The following TRIO variants were observed in gnomAD, a reference collection of about 807,000 sequenced individuals.
TRIO encodes trio Rho guanine nucleotide exchange factor, also known as triple functional domain protein.
TRIO carries 58 observed loss-of-function variants against 351.9 expected under a neutral mutation model. The observed-to-expected ratio is 0.16, with a 90% CI of 0.13 to 0.21. The LOEUF (loss-of-function observed/expected upper bound fraction) is 0.21, where lower values mean the gene tolerates loss of function less well. Ranked by LOEUF, TRIO falls within the 10% of genes least tolerant of loss-of-function variation. The pLI is 1.00. For synonymous variants in TRIO, 1,758 were observed against 1,595.7 expected (o/e 1.10, Z -2.42); for missense variants, 3,201 against 4,027.8 (o/e 0.79, Z 5.56).
rs550614002 is a variant in TRIO, at chr5:14,463,558, G to A, written c.5667+633G>A. Among the ~76,000 whole-genome samples the A allele has an allele frequency of 3.3e-5, 5 of 152,222 alleles. 1 individual carries two copies. The highest frequency in any genetic ancestry group is 1.2e-4 in the African/African-American group (5 of 41,552). ...ATTATTTTGTCAGCCCAATTGTAGA[G>A]CCCTAAAAAATAAAATAGCAGAAAG... is the stretch of plus-strand genomic sequence containing the variant. On this transcript the variant is annotated intron_variant, in intron 36 of 56. Coordinates refer to ENST00000344204, the MANE Select transcript of TRIO (RefSeq NM_007118.4).
chr5:14,463,525 A>G (rs921374416), intron 36 of TRIO, among the ~76,000 whole-genome samples: 2 of 152,204 alleles, frequency 1.3e-5, no homozygotes, highest in African/African-American at 2.4e-5. Flanking sequence ...GTTCTTACGT[A>G]GTCTAAAATT....
At chr5:14,248,652 C>T (rs564568316) in intron 1 of TRIO, among the ~76,000 whole-genome samples, 1 of 152,312 alleles carries the variant, frequency 6.6e-6, no homozygotes, top group South Asian at 2.1e-4. Context: ...GTGCTGCCCA[C>T]CTATCTTGTT....
At chr5:14,148,797 G>A (rs1295662285) in intron 1 of TRIO, among the ~76,000 whole-genome samples, 1 of 152,242 alleles carries the variant, frequency 6.6e-6, no homozygotes, top group Non-Finnish European at 1.5e-5. Context: ...GGGTGATGGT[G>A]TGGTTGGCCT....
rs1307816198 is a variant in TRIO, at chr5:14,509,581, A to G, written c.*1159A>G. The G allele has an allele frequency of 3.3e-6, 1 of 302,278 alleles. No individual in the cohort carries two copies. The highest frequency in any genetic ancestry group is 6.5e-6 in the Non-Finnish European group (1 of 154,652). The allele number at this position is 302,278 out of a possible 1,614,324, so 18.7% of individuals were successfully genotyped here. A position where few individuals can be genotyped will look rare whatever the true frequency, so the allele number is the denominator to read the frequency against. On this transcript the variant is annotated 3_prime_UTR_variant, in exon 57 of 57. Coordinates refer to ENST00000344204, the MANE Select transcript of TRIO (RefSeq NM_007118.4). Reference sequence around the variant, plus strand: ...TGCCAAAGTATTATTTTTTTTCCCAAAATCAGTCTGGACATTTACTACTTT... The same window carrying G: ...TGCCAAAGTATTATTTTTTTTCCCAGAATCAGTCTGGACATTTACTACTTT...
chr5:14,406,127 C>T (rs928096464), intron 32 of TRIO, 137 bp downstream of exon 32: 1 of 1,259,394 alleles, frequency 7.9e-7, no homozygotes, highest in Admixed American at 2.7e-5. Flanking sequence ...TTGTGGATAA[C>T]ATCATTCTTA....
intron 11 of TRIO, among the ~76,000 whole-genome samples, chr5:14,345,405 G>A (rs1400823967): frequency 6.6e-6 from 1 of 152,172 alleles, no homozygotes; most frequent in East Asian, 1.9e-4. Flanking sequence ...CTTGCTGAGG[G>A]TCATTTGTAA....
chr5:14,503,955 C>T (rs1333252597), intron 54 of TRIO, among the ~76,000 whole-genome samples: 1 of 152,244 alleles, frequency 6.6e-6, no homozygotes, highest in Non-Finnish European at 1.5e-5. Context: ...CACACACCCC[C>T]ACAGGGGCGA....
At position 14,509,301 on chromosome 5, in the gene TRIO, T is replaced by A. The variant is rs1272626243; in HGVS notation, c.*879T>A. On this transcript the variant is annotated 3_prime_UTR_variant, in exon 57 of 57. Transcript: ENST00000344204. The stretch of plus-strand genomic sequence containing the variant: ...TTGTGGCTTTAACATTTTATGCAAC[T>A]ATTTATGAAGACCTCTGTTGTACCT... 2.6e-6 allele frequency: 1 copy of A among 390,428 alleles called. No individual in the cohort carries two copies. Among genetic ancestry groups the A allele is most frequent in the Non-Finnish European group, 4.9e-6 (1 of 202,190 alleles). 24.2% of individuals were successfully genotyped at this position (390,428 alleles called of 1,614,324 possible).
At chr5:14,428,237 G>T (rs921125936) in intron 34 of TRIO, among the ~76,000 whole-genome samples, 2 of 152,090 alleles carry the variant, frequency 1.3e-5, no homozygotes, top group African/African-American at 2.4e-5. Context: ...CGAAAATATC[G>T]TGATTCAGGT....
In TRIO at chr5:14,182,374, A is replaced by C. The variant is rs916988396; in HGVS notation, c.157+38492A>C. Among the ~76,000 whole-genome samples the C allele has an allele frequency of 4.6e-5, 7 of 152,220 alleles. No homozygotes were observed. In the East Asian group the frequency reaches 1.2e-3, roughly 25 times the overall value. On this transcript the variant is annotated intron_variant, in intron 1 of 56. Transcript: ENST00000344204. ...TTAGTCTTTGGCTCACTCTTTAGAG[A>C]TGCTTCTACCTTGGGACAAATTTAT...
intron 2 of TRIO, among the ~76,000 whole-genome samples, chr5:14,279,188 T>C (rs986987251): frequency 6.6e-5 from 10 of 152,246 alleles, no homozygotes; most frequent in South Asian, 2.1e-4. Context: ...GAACAGTACA[T>C]GTGGATTGCT....
intron 8 of TRIO, among the ~76,000 whole-genome samples, chr5:14,305,756 C>T (rs955777378): frequency 6.6e-6 from 1 of 152,116 alleles, no homozygotes; most frequent in Admixed American, 6.5e-5. Context: ...TGTCCCTGAG[C>T]GAATTAAATG....
In TRIO at chr5:14,358,162, C is replaced by G. The variant is rs551206640; in HGVS notation, c.2047-16C>G. 1.9e-5 allele frequency: 30 copies of G among 1,607,636 alleles called. No homozygotes were observed. In the South Asian group the frequency reaches 2.1e-4, roughly 11 times the overall value. On this transcript the variant is annotated splice_polypyrimidine_tract_variant and intron_variant, in intron 11 of 56. Coordinates refer to ENST00000344204, the MANE Select transcript of TRIO (RefSeq NM_007118.4). ...AGCCAGGCCGGCCGGCCTCACCCCC[C>G]TCTCCCCTTCCCCAGCTGTGGACGT...
chr5:14,369,480 C>A lies in TRIO; in HGVS notation c.3173C>A (p.Pro1058His). ...AACTCTGAGACGGACCACGTGACGC[C>A]CATGATCAGCAAGCACCTGGAGCAG... ...GPNSETDHVT[P>H]MISKHLEQKE... The change falls in exon 18 of 57, where the codon CCC (proline) becomes CAC (histidine). Residue 1058 changes from proline to histidine, a missense_variant. This residue lies in a region of TRIO where 363 missense variants were observed against 553.5 expected (regional missense o/e 0.66). Transcript: ENST00000344204. 1 of 1,613,974 alleles carries A rather than the reference C, an allele frequency of 6.2e-7. No individual in the cohort carries two copies. Among genetic ancestry groups the A allele is most frequent in the Non-Finnish European group, 8.5e-7 (1 of 1,179,982 alleles).
chr5:14,328,289 A>G (rs931476752), intron 9 of TRIO, among the ~76,000 whole-genome samples: 3 of 152,272 alleles, frequency 2.0e-5, no homozygotes, highest in Admixed American at 6.5e-5. Context: ...CAATGAGCTC[A>G]ATACGCTAGT....
chr5:14,349,658 T>TA (rs774313236), intron 11 of TRIO, among the ~76,000 whole-genome samples: 13 of 152,372 alleles, frequency 8.5e-5, no homozygotes, highest in Non-Finnish European at 1.6e-4. Flanking sequence ...GCTTTCAACA[T>TA]ACGAGGTGAA....
intron 1 of TRIO, among the ~76,000 whole-genome samples, chr5:14,209,426 A>T (rs1394693513): frequency 6.6e-6 from 1 of 152,224 alleles, no homozygotes; most frequent in Non-Finnish European, 1.5e-5. Flanking sequence ...GTCACGTGTC[A>T]TGTCTCTACT....
At position 14,149,074 on chromosome 5, in the gene TRIO, T is replaced by C. The variant is rs142162141; in HGVS notation, c.157+5192T>C. Among the ~76,000 whole-genome samples, 515 of 152,288 alleles carry C rather than the reference T, an allele frequency of 3.4e-3. 4 individuals carry two copies. The highest frequency in any genetic ancestry group is 6.0e-3 in the Non-Finnish European group (407 of 68,016). Reference sequence around the variant, plus strand: ...CGGGAGCTGTTCTGGGAATTCCTATTGCTGTGCCTCTGAACTGAGGGGAAG... The same window carrying C: ...CGGGAGCTGTTCTGGGAATTCCTATCGCTGTGCCTCTGAACTGAGGGGAAG... On this transcript the variant is annotated intron_variant, in intron 1 of 56. Coordinates refer to ENST00000344204, the MANE Select transcript of TRIO (RefSeq NM_007118.4).
At position 14,488,034 on chromosome 5, in the gene TRIO, G is replaced by C. The variant is rs1456850463; in HGVS notation, c.7406G>C (p.Gly2469Ala). Residue 2469 changes from glycine (G) to alanine (A), a missense_variant, in exon 48 of 57, where the codon GGC becomes GCC. Transcript: ENST00000344204. Reference sequence around the variant, plus strand: ...CTCTCCAGCGCGGTCCCTTCTCTCGGCAAGGAGCCCTTCCCCCCCAGCAGC... The same window carrying C: ...CTCTCCAGCGCGGTCCCTTCTCTCGCCAAGGAGCCCTTCCCCCCCAGCAGC... Reference protein sequence around the residue: ...SPLSSAVPSLGKEPFPPSSPL... With the variant: ...SPLSSAVPSLAKEPFPPSSPL... 4.4e-6 allele frequency: 7 copies of C among 1,604,022 alleles called. No homozygotes were observed. The highest frequency in any genetic ancestry group is 2.3e-5 in the East Asian group (1 of 44,396).
Sources: allele counts gnomAD v4.1 joint callset (sites outside exome capture counted in the v4.1 genomes callset), GRCh38; gene constraint gnomAD v4.1.1; regional missense constraint gnomAD v4.1.1; transcripts MANE v1.5; gene names NCBI Gene and HGNC (gene_info 2026-07-23, HGNC 2026-07-21).